TENM2: variants seen among roughly 807,000 people sequenced by gnomAD.
The protein encoded by TENM2 is teneurin transmembrane protein 2.
A neutral mutation model predicts 245.2 loss-of-function variants in TENM2; 52 were observed. That is an observed-to-expected ratio of 0.21 (90% CI 0.17 to 0.27). The LOEUF is 0.27. Ranked by LOEUF, TENM2 falls within the 10% of genes least tolerant of loss-of-function variation. TENM2 has a pLI of 1.00. For synonymous variants in TENM2, 1,363 were observed against 1,438.9 expected (o/e 0.95, Z 1.19); for missense variants, 3,046 against 3,666.8 (o/e 0.83, Z 4.37).
At chr5:168,048,173 G>A (rs1249697328) in intron 6 of TENM2, among the ~76,000 whole-genome samples, 5 of 104,258 alleles carry the variant, frequency 4.8e-5, no homozygotes, top group Non-Finnish European at 1.8e-5. Context: ...TCCTTGAAGG[G>A]AAAAAAAAAG....
intron 2 of TENM2, among the ~76,000 whole-genome samples, chr5:167,391,835 T>A (rs745331847): frequency 2.0e-5 from 3 of 152,026 alleles, no homozygotes; most frequent in Non-Finnish European, 4.4e-5. Context: ...AGATCTGGAC[T>A]GGAGATGTCA....
At chr5:167,607,436 T>C (rs1777136492) in intron 2 of TENM2, among the ~76,000 whole-genome samples, 1 of 152,158 alleles carries the variant, frequency 6.6e-6, no homozygotes, top group African/African-American at 2.4e-5. Context: ...ACAGGGAGCA[T>C]TTCACAGGCT....
At chr5:167,781,158 CAT>C (rs780536647) in intron 2 of TENM2, among the ~76,000 whole-genome samples, 1 of 152,050 alleles carries the variant, frequency 6.6e-6, no homozygotes, top group South Asian at 2.1e-4. Flanking sequence ...AAAAAATGCA[CAT>C]GTTAGCTGGG....
chr5:168,044,144 G>A (rs1431246285), intron 5 of TENM2, among the ~76,000 whole-genome samples: 5 of 152,156 alleles, frequency 3.3e-5, no homozygotes, highest in African/African-American at 7.2e-5. Flanking sequence ...GGTGGGGCGC[G>A]GTGGCTCACG....
intron 25 of TENM2, among the ~76,000 whole-genome samples, chr5:168,232,016 C>T (rs1347593516): frequency 2.0e-5 from 3 of 151,778 alleles, no homozygotes; most frequent in African/African-American, 4.8e-5. Flanking sequence ...GCAGTGAGTT[C>T]TGATCATGCC....
At chr5:167,812,640 C>A (rs2150999406) in intron 2 of TENM2, among the ~76,000 whole-genome samples, 1 of 152,294 alleles carries the variant, frequency 6.6e-6, no homozygotes, top group South Asian at 2.1e-4. Context: ...CCTTTTATGT[C>A]TATGGAAAAG....
chr5:167,981,287 TG>T (rs1202462132), intron 4 of TENM2, among the ~76,000 whole-genome samples: 2 of 152,190 alleles, frequency 1.3e-5, no homozygotes, highest in African/African-American at 4.8e-5. Context: ...ATACACTTCC[TG>T]CATGCAATAT....
intron 2 of TENM2, among the ~76,000 whole-genome samples, chr5:167,639,245 A>G (rs934987774): frequency 6.6e-6 from 1 of 152,208 alleles, no homozygotes; most frequent in Non-Finnish European, 1.5e-5. Flanking sequence ...ATTAATTTGT[A>G]TTTCCTTATT....
intron 1 of TENM2, among the ~76,000 whole-genome samples, chr5:167,285,578 G>A (rs1726227841): frequency 6.6e-6 from 1 of 152,086 alleles, no homozygotes; most frequent in Non-Finnish European, 1.5e-5. Context: ...CTTTTGGGAG[G>A]AGAATATTTT....
intron 1 of TENM2, among the ~76,000 whole-genome samples, chr5:167,290,941 CT>C (rs1463617008): frequency 6.6e-6 from 1 of 152,058 alleles, no homozygotes; most frequent in African/African-American, 2.4e-5. Flanking sequence ...ATTTTCGTCA[CT>C]TTATGGGCAA....
intron 2 of TENM2, among the ~76,000 whole-genome samples, chr5:167,843,459 T>C (rs561641853): frequency 1.1e-4 from 17 of 152,208 alleles, no homozygotes; most frequent in Non-Finnish European, 2.2e-4. Context: ...AACTGTCTGT[T>C]ACTATTTTCA....
At chr5:168,080,293 G>T (rs112983412) in intron 7 of TENM2, among the ~76,000 whole-genome samples, 1 of 151,996 alleles carries the variant, frequency 6.6e-6, no homozygotes, top group Non-Finnish European at 1.5e-5. Flanking sequence ...TTATCATTTT[G>T]TATTGCATCT....
chr5:167,936,672 A>T (rs1204517933), intron 3 of TENM2, among the ~76,000 whole-genome samples: 2 of 152,226 alleles, frequency 1.3e-5, no homozygotes, highest in Admixed American at 6.5e-5. Flanking sequence ...ATACAGTAAA[A>T]TTGGCTTCAC....
intron 2 of TENM2, among the ~76,000 whole-genome samples, chr5:167,658,513 C>T (rs185704635): frequency 4.1e-4 from 63 of 152,188 alleles, no homozygotes; most frequent in Middle Eastern, 6.8e-3. Flanking sequence ...CCATTCATGG[C>T]AGTTCTGCCC....
intron 2 of TENM2, among the ~76,000 whole-genome samples, chr5:167,685,196 A>C (rs1055240415): frequency 6.6e-6 from 1 of 152,226 alleles, no homozygotes; most frequent in African/African-American, 2.4e-5. Context: ...AAGTGACTCA[A>C]ATGTATAGTT....
chr5:168,155,068 T>TCCAGAGA (rs1175721808), intron 12 of TENM2, among the ~76,000 whole-genome samples: 2 of 152,318 alleles, frequency 1.3e-5, no homozygotes, highest in South Asian at 2.1e-4. Flanking sequence ...CCTGCCGTTT[T>TCCAGAGA]CCAGAGACCA....
intron 2 of TENM2, among the ~76,000 whole-genome samples, chr5:167,569,461 A>T (rs12188010): frequency 0.5 from 76,478 of 152,028 alleles, 21,923 homozygotes; most frequent in Middle Eastern, 0.64. Context: ...ATAATAAACC[A>T]ATGTGGCATA....
At chr5:167,774,214 G>A (rs61033188) in intron 2 of TENM2, among the ~76,000 whole-genome samples, 52 of 111,418 alleles carry the variant, frequency 4.7e-4, no homozygotes, top group Middle Eastern at 4.6e-3. Context: ...GGGAGGGAGG[G>A]AGGAAGGAAG....
At chr5:168,236,067 G>C (rs980003902) in intron 25 of TENM2, among the ~76,000 whole-genome samples, 2 of 152,298 alleles carry the variant, frequency 1.3e-5, no homozygotes, top group Middle Eastern at 3.4e-3. Flanking sequence ...AGTGTGGCTG[G>C]AGTAAACCAG....
Sources: allele counts gnomAD v4.1 joint callset (sites outside exome capture counted in the v4.1 genomes callset), GRCh38; gene constraint gnomAD v4.1.1; transcripts MANE v1.5; gene names NCBI Gene and HGNC (gene_info 2026-07-23, HGNC 2026-07-21).